The following SYT9 variants were observed in gnomAD, a reference collection of about 807,000 sequenced individuals.
SYT9 encodes the protein synaptotagmin-9.
SYT9 carries 22 observed loss-of-function variants against 48.4 expected under a neutral mutation model. The observed-to-expected ratio is 0.45, with a 90% confidence interval of 0.32 to 0.65. SYT9 has a LOEUF of 0.65. Ranked by LOEUF, SYT9 falls within the 30% of genes least tolerant of loss-of-function variation. The probability of loss-of-function intolerance (pLI) is 0.03; values close to 1 mark genes in which losing one functional copy is unlikely to be tolerated. For missense variants in SYT9, 577 were observed against 622.0 expected, an observed-to-expected ratio of 0.93 and a Z score of 0.77; for synonymous variants, 265 against 245.0, an observed-to-expected ratio of 1.08 and a Z score of -0.76.
At chr11:7,342,104 G>A (rs1849724538) in intron 3 of SYT9, among the ~76,000 whole-genome samples, 1 of 152,100 alleles carries the variant, frequency 6.6e-6, no homozygotes, top group Non-Finnish European at 1.5e-5. Flanking sequence ...TGGAAATTAT[G>A]GGAGCGACAA....
chr11:7,333,627 C>G (rs1299552664), intron 3 of SYT9, among the ~76,000 whole-genome samples: 1 of 152,162 alleles, frequency 6.6e-6, no homozygotes, highest in Admixed American at 6.5e-5. Flanking sequence ...TTTCTTAATG[C>G]TTACCAGTTT....
chr11:7,304,560 G>C (rs1446970917), intron 2 of SYT9, among the ~76,000 whole-genome samples: 1 of 152,154 alleles, frequency 6.6e-6, no homozygotes, highest in East Asian at 1.9e-4. Flanking sequence ...GTTTATCCTA[G>C]AGGCTCCACT....
intron 6 of SYT9, among the ~76,000 whole-genome samples, chr11:7,465,038 A>G (rs1037104043): frequency 2.8e-4 from 42 of 152,068 alleles, no homozygotes; most frequent in African/African-American, 9.9e-4. Flanking sequence ...CAGTGAGTCG[A>G]GATTGCGCCA....
chr11:7,349,968 C>T (rs989334931), intron 3 of SYT9, among the ~76,000 whole-genome samples: 4 of 152,184 alleles, frequency 2.6e-5, no homozygotes, highest in African/African-American at 9.7e-5. Context: ...GAATCCAGTA[C>T]ACTTCAGAGA....
At chr11:7,250,087 A>G (rs1007070084), upstream of SYT9, among the ~76,000 whole-genome samples, 2 of 152,094 alleles carry the variant, frequency 1.3e-5, no homozygotes, top group African/African-American at 4.8e-5. Flanking sequence ...CTTTCCAATG[A>G]TGATTGCCAG....
intron 3 of SYT9, among the ~76,000 whole-genome samples, chr11:7,391,734 C>CCAAAAAAAAAAAAAAA: frequency 4.1e-5 from 1 of 24,626 alleles, no homozygotes; most frequent in East Asian, 5.8e-3. Flanking sequence ...AACCCCATCT[C>CCAAAAAAAAAAAAAAA]TAAAAAAAAA....
At chr11:7,389,973 T>A (rs1850731951) in intron 3 of SYT9, among the ~76,000 whole-genome samples, 1 of 152,212 alleles carries the variant, frequency 6.6e-6, no homozygotes, top group South Asian at 2.1e-4. Context: ...TGTTAAGAAT[T>A]AGAGCACAAT....
intron 6 of SYT9, among the ~76,000 whole-genome samples, chr11:7,452,983 T>C (rs1848084714): frequency 6.6e-6 from 1 of 152,014 alleles, no homozygotes; most frequent in Admixed American, 6.5e-5. Context: ...GGTTTCTTCA[T>C]GTTGGTCAGG....
intron 3 of SYT9, among the ~76,000 whole-genome samples, chr11:7,334,418 AC>A (rs1050861892): frequency 6.6e-6 from 1 of 152,216 alleles, no homozygotes; most frequent in Admixed American, 6.5e-5. Flanking sequence ...TGGTTAATAG[AC>A]ATGGAGAAAA....
At chr11:7,362,909 AT>A (rs1850170977) in intron 3 of SYT9, among the ~76,000 whole-genome samples, 1 of 115,958 alleles carries the variant, frequency 8.6e-6, no homozygotes, top group Non-Finnish European at 1.8e-5. Context: ...AATATGTTAA[AT>A]TTTTGTCTCT....
At chr11:7,325,728 A>G (rs1849420116) in intron 3 of SYT9, among the ~76,000 whole-genome samples, 1 of 84,150 alleles carries the variant, frequency 1.2e-5, no homozygotes, top group East Asian at 4.5e-4. Context: ...TTGCCCATTC[A>G]GTATGATATT....
intron 3 of SYT9, among the ~76,000 whole-genome samples, chr11:7,336,074 T>G (rs943016539): frequency 3.9e-5 from 6 of 152,218 alleles, no homozygotes; most frequent in African/African-American, 1.4e-4. Flanking sequence ...CGTTTTCATT[T>G]GCATTTCTCT....
chr11:7,313,563 G>A lies in SYT9; in HGVS notation c.666G>A (p.Gly222=), dbSNP rs765865953. 1 of 1,614,100 alleles carries A rather than the reference G, an allele frequency of 6.2e-7. No homozygotes were observed. The highest frequency in any genetic ancestry group is 1.1e-5 in the South Asian group (1 of 91,082). ...GACGGAGTAACAGCAAGGCTTGTGG[G>A]AAACTGAACTTCATTTTAAAATATG... is the stretch of plus-strand genomic sequence containing the variant. ...DGRRSNSKAC[G]KLNFILKYDC... The change falls in exon 3 of 7, where the codon GGG becomes GGA. Residue 222 remains glycine (G), a synonymous_variant. Coordinates refer to ENST00000318881, the MANE Select transcript of SYT9 (RefSeq NM_175733.4).
chr11:7,448,627 G>A (rs933774530), intron 6 of SYT9, among the ~76,000 whole-genome samples: 1 of 152,258 alleles, frequency 6.6e-6, no homozygotes, highest in African/African-American at 2.4e-5. Context: ...CTCCGATGTT[G>A]TGTGGTGTGT....
chr11:7,269,534 A>G (rs145688922), intron 1 of SYT9, among the ~76,000 whole-genome samples: 23 of 152,222 alleles, frequency 1.5e-4, no homozygotes, highest in Middle Eastern at 3.4e-3. Context: ...CTGTCTTTCT[A>G]TGTTTGCCTT....
chr11:7,313,814 C>G lies in SYT9; in HGVS notation c.917C>G (p.Ser306Cys). ...CTTGAAGCACGGAAGCTTCACTTCTCTGTGTACGACTTTGACAGGTTCTCT... is the reference window on the plus strand; with the variant it reads ...CTTGAAGCACGGAAGCTTCACTTCTGTGTGTACGACTTTGACAGGTTCTCT... The part of the protein sequence containing the change: ...NDLEARKLHF[S>C]VYDFDRFSRH... Residue 306 changes from serine (S) to cysteine (C), a missense_variant, in exon 3 of 7, where the codon TCT becomes TGT. Transcript: ENST00000318881. 2 of 1,614,214 alleles carry G rather than the reference C, an allele frequency of 1.2e-6. No homozygotes were observed. Among genetic ancestry groups the G allele is most frequent in the Non-Finnish European group, 1.7e-6 (2 of 1,180,026 alleles).
At chr11:7,299,203 A>C (rs148059434) in intron 1 of SYT9, among the ~76,000 whole-genome samples, 36 of 152,342 alleles carry the variant, frequency 2.4e-4, no homozygotes, top group Non-Finnish European at 3.8e-4. Context: ...TTAAGAAATA[A>C]CATCTTGTGA....
intron 1 of SYT9, 131 bp from the exon 2 acceptor site, chr11:7,302,906 TGC>T (rs1848949790): frequency 2.7e-6 from 2 of 748,876 alleles, no homozygotes; most frequent in Admixed American, 5.0e-5. Flanking sequence ...AACCCAGCCA[TGC>T]GCCCCAGCAT....
At chr11:7,329,458 A>C (rs981538061) in intron 3 of SYT9, among the ~76,000 whole-genome samples, 1 of 152,108 alleles carries the variant, frequency 6.6e-6, no homozygotes, top group Non-Finnish European at 1.5e-5. Context: ...CTCTGCTCAT[A>C]TAGTATTTTC....
Sources: gnomAD v4.1 joint callset for allele counts (sites outside exome capture counted in the v4.1 genomes callset) on GRCh38, gnomAD v4.1.1 for gene constraint, MANE v1.5 for transcripts, NCBI Gene and HGNC (gene_info 2026-07-23, HGNC 2026-07-21) for gene names.